Variants in CSNK1G1 observed in about 807,000 individuals in gnomAD.
The protein encoded by CSNK1G1 is casein kinase 1 gamma 1.
A neutral mutation model predicts 59.6 loss-of-function variants in CSNK1G1; 22 were observed. The observed-to-expected ratio is 0.37, with a 90% CI of 0.26 to 0.53. CSNK1G1 has a LOEUF of 0.53. Ranked by LOEUF, CSNK1G1 falls within the 20% of genes least tolerant of loss-of-function variation. CSNK1G1 has a pLI of 0.89. For missense variants in CSNK1G1, 384 were observed against 519.5 expected (o/e 0.74, Z 2.54); for synonymous variants, 179 against 177.1 (o/e 1.01, Z -0.08).
At chr15:64,222,876 G>A (rs887496224) in intron 4 of CSNK1G1, among the ~76,000 whole-genome samples, 6 of 152,038 alleles carry the variant, frequency 3.9e-5, no homozygotes, top group African/African-American at 1.2e-4. Context: ...TACAGTGACA[G>A]GTCTCTTTCA....
At chr15:64,330,620 C>T (rs1486976661) in intron 1 of CSNK1G1, among the ~76,000 whole-genome samples, 1 of 82,800 alleles carries the variant, frequency 1.2e-5, no homozygotes, top group African/African-American at 5.0e-5. Flanking sequence ...TGGCACAAGA[C>T]AGGGATGCCC....
chr15:64,177,239 A>G (rs544184788), intron 11 of CSNK1G1, among the ~76,000 whole-genome samples: 39 of 152,290 alleles, frequency 2.6e-4, no homozygotes, highest in Non-Finnish European at 7.4e-5. Flanking sequence ...GTGTGTCTCA[A>G]TATAAGCATC....
At chr15:64,265,585 T>G (rs948655092) in intron 2 of CSNK1G1, among the ~76,000 whole-genome samples, 1 of 151,908 alleles carries the variant, frequency 6.6e-6, no homozygotes, top group African/African-American at 2.4e-5. Context: ...CTTTATAAAT[T>G]AGCCAGTCTT....
At chr15:64,259,363 C>T in intron 2 of CSNK1G1, 122 bp from the exon 3 acceptor site, 1 of 644,206 alleles carries the variant, frequency 1.6e-6, no homozygotes, top group Non-Finnish European at 2.6e-6. Context: ...ATAAATGAAA[C>T]TTGATTTATA....
intron 2 of CSNK1G1, among the ~76,000 whole-genome samples, chr15:64,267,256 C>CAAAAAAAAAAAAAAAAAAAGAAAA (rs1893038385): frequency 1.6e-5 from 1 of 61,834 alleles, no homozygotes; most frequent in Non-Finnish European, 3.7e-5. Flanking sequence ...GACCTTATCT[C>CAAAAAAAAAAAAAAAAAAAGAAAA]AAAAAAAAAA....
intron 1 of CSNK1G1, among the ~76,000 whole-genome samples, chr15:64,335,170 T>C (rs896542842): frequency 9.9e-5 from 15 of 152,184 alleles, no homozygotes; most frequent in Admixed American, 8.5e-4. Context: ...GAAAAACATA[T>C]TTCAATACCT....
At chr15:64,259,036 T>G in intron 3 of CSNK1G1, 165 bp downstream of exon 3, 1 of 576,966 alleles carries the variant, frequency 1.7e-6, no homozygotes, top group Non-Finnish European at 3.0e-6. Context: ...ATACAGTGAT[T>G]CATCACTGTT....
chr15:64,180,207 C>G (rs1277136047), intron 11 of CSNK1G1, 141 bp downstream of exon 11: 1 of 643,926 alleles, frequency 1.6e-6, no homozygotes, highest in African/African-American at 1.8e-5. Context: ...AGGTACCATG[C>G]AAAAATTAAA....
rs937758323 is a variant in CSNK1G1, at chr15:64,294,912, CAAAAAA to C, written c.181+5401_181+5406del. 7.0e-4 allele frequency among the ~76,000 whole-genome samples: 36 copies of C among 51,172 alleles called. No homozygotes were observed. The East Asian group carries it at 0.011, about 15-fold the overall frequency. 33.6% of individuals were successfully genotyped at this position (51,172 alleles called of 152,430 possible). ...GGACAACAAGAGTGAAACTTCGTCT[CAAAAAA>C]AAAAAAAAAAAAAAAAAGAGGGTCG... On this transcript the variant is annotated intron_variant, in intron 2 of 11. Coordinates refer to ENST00000303052, the MANE Select transcript of CSNK1G1 (RefSeq NM_022048.5).
chr15:64,278,069 G>A (rs1178986432), intron 2 of CSNK1G1, among the ~76,000 whole-genome samples: 1 of 148,852 alleles, frequency 6.7e-6, no homozygotes, highest in Non-Finnish European at 1.5e-5. Flanking sequence ...TTTTTGAGAT[G>A]GAGTCTCACT....
chr15:64,342,421 G>C (rs1169057778), intron 1 of CSNK1G1: 1 of 152,094 alleles, frequency 6.6e-6, no homozygotes, highest in Non-Finnish European at 1.5e-5. Context: ...TACTTCCCTA[G>C]AACAAGCCTT....
chr15:64,259,521 C>T (rs533740805), intron 2 of CSNK1G1, among the ~76,000 whole-genome samples: 7 of 149,108 alleles, frequency 4.7e-5, no homozygotes, highest in Non-Finnish European at 7.4e-5. Context: ...CACACACACA[C>T]ACATGCATGC....
At chr15:64,350,804 G>A (rs973982282) in intron 1 of CSNK1G1, among the ~76,000 whole-genome samples, 1 of 152,052 alleles carries the variant, frequency 6.6e-6, no homozygotes, top group Non-Finnish European at 1.5e-5. Context: ...TTTTTCCTGA[G>A]TCCATCTTGA....
chr15:64,203,384 A>AG (rs1321876020), intron 9 of CSNK1G1, among the ~76,000 whole-genome samples, 195 bp from the exon 10 acceptor site: 1 of 152,062 alleles, frequency 6.6e-6, no homozygotes, highest in Non-Finnish European at 1.5e-5. Context: ...AGTTCATTGG[A>AG]GAGTAGCTTA....
chr15:64,222,917 CAA>C lies in CSNK1G1; in HGVS notation c.293-6206_293-6205del, dbSNP rs908965227. 9.2e-5 allele frequency among the ~76,000 whole-genome samples: 14 copies of C among 152,148 alleles called. 1 individual carries two copies. Among genetic ancestry groups the C allele is most frequent in the Admixed American group, 8.5e-4 (13 of 15,282 alleles). On this transcript the variant is annotated intron_variant, in intron 4 of 11. Transcript: ENST00000303052. ...TATTTCAGATCAAAACAACTGGACT[CAA>C]TACCTTTTGAAGGAAAGAATTTTAA... is the stretch of plus-strand genomic sequence containing the variant.
rs2140192081 is a variant in CSNK1G1, at chr15:64,168,931, AG to A, written c.*2999del. ...GGATCACCATTACTCTGCATGCTAAAGGGACCTGGGATTCTTTACCCTTGTT... is the reference window on the plus strand; with the variant it reads ...GGATCACCATTACTCTGCATGCTAAAGGACCTGGGATTCTTTACCCTTGTT... On this transcript the variant is annotated 3_prime_UTR_variant, in exon 12 of 12. Transcript: ENST00000303052. 6.5e-6 allele frequency: 1 copy of A among 152,722 alleles called. No individual in the cohort carries two copies. Among genetic ancestry groups the A allele is most frequent in the African/African-American group, 2.4e-5 (1 of 41,584 alleles). 9.5% of individuals were successfully genotyped at this position (152,722 alleles called of 1,614,324 possible).
chr15:64,238,323 T>C (rs1371317825), intron 4 of CSNK1G1, among the ~76,000 whole-genome samples: 2 of 150,754 alleles, frequency 1.3e-5, no homozygotes, highest in African/African-American at 4.9e-5. Context: ...ATCCCATCTC[T>C]ATAAAAAATA....
chr15:64,312,124 A>G (rs1002944304), intron 1 of CSNK1G1, among the ~76,000 whole-genome samples: 12 of 152,202 alleles, frequency 7.9e-5, no homozygotes, highest in African/African-American at 2.9e-4. Context: ...AAATGGAAAA[A>G]CATTCCATGC....
At position 64,327,712 on chromosome 15, in the gene CSNK1G1, G is replaced by A. The variant is rs550727097; in HGVS notation, c.-224-26989C>T. ...GAGGTGAGAGAAGAAGGCTTCAGACGATCAAATTACTCTGAGCTACGGGAG... is the reference window on the plus strand; with the variant it reads ...GAGGTGAGAGAAGAAGGCTTCAGACAATCAAATTACTCTGAGCTACGGGAG... On this transcript the variant is annotated intron_variant, in intron 1 of 11. Transcript: ENST00000303052. Among the ~76,000 whole-genome samples, 1,196 of 151,362 alleles carry A rather than the reference G, an allele frequency of 7.9e-3. 17 individuals are homozygous for A. The highest frequency in any genetic ancestry group is 0.027 in the African/African-American group (1,119 of 41,000).
Sources: gnomAD v4.1 joint callset for allele counts (sites outside exome capture counted in the v4.1 genomes callset) on GRCh38, gnomAD v4.1.1 for gene constraint, MANE v1.5 for transcripts, NCBI Gene and HGNC (gene_info 2026-07-23, HGNC 2026-07-21) for gene names.